Variants in CREB5 observed in about 807,000 individuals in gnomAD.
CREB5 encodes cyclic AMP-responsive element-binding protein 5.
Under a neutral mutation model 57.1 loss-of-function variants are expected in CREB5, and 19 were observed. The ratio of observed to expected loss-of-function variants is 0.33; its 90% CI spans 0.23 to 0.49. CREB5 has a LOEUF of 0.49. Among genes scored for constraint, CREB5 ranks in the 20% least tolerant of loss-of-function variants. The probability of loss-of-function intolerance (pLI) is 0.99; values close to 1 mark genes in which losing one functional copy is unlikely to be tolerated. For synonymous variants in CREB5, 238 were observed against 238.3 expected, an observed-to-expected ratio of 1.00 and a Z score of 0.01; for missense variants, 579 against 671.6, an observed-to-expected ratio of 0.86 and a Z score of 1.52.
chr7:28,413,644 G>A (rs190411509), intron 1 of CREB5, among the ~76,000 whole-genome samples: 4 of 152,176 alleles, frequency 2.6e-5, no homozygotes, highest in Admixed American at 1.3e-4. Flanking sequence ...GCGGTCAGTC[G>A]TGACCTTATA....
At chr7:28,649,079 C>T (rs1799024794) in intron 5 of CREB5, among the ~76,000 whole-genome samples, 1 of 152,154 alleles carries the variant, frequency 6.6e-6, no homozygotes, top group South Asian at 2.1e-4. Flanking sequence ...CCCTGGAAGA[C>T]ATAAATAAAT....
intron 4 of CREB5, among the ~76,000 whole-genome samples, chr7:28,526,382 G>A (rs892762664): frequency 2.6e-5 from 4 of 152,126 alleles, no homozygotes; most frequent in African/African-American, 9.7e-5. Context: ...CAATATAATA[G>A]AAGTCCCCGT....
intron 4 of CREB5, among the ~76,000 whole-genome samples, chr7:28,513,259 A>C (rs745789735): frequency 6.6e-6 from 1 of 152,250 alleles, no homozygotes; most frequent in Non-Finnish European, 1.5e-5. Flanking sequence ...GCAAACTTGC[A>C]ACAGCTGCAC....
At chr7:28,467,408 G>A (rs540767503) in intron 1 of CREB5, among the ~76,000 whole-genome samples, 2 of 152,188 alleles carry the variant, frequency 1.3e-5, no homozygotes, top group African/African-American at 2.4e-5. Context: ...TTTTTCTATC[G>A]TTTTGCATGC....
At chr7:28,570,602 T>A in intron 5 of CREB5, 65 bp downstream of exon 5, 3 of 1,551,524 alleles carry the variant, frequency 1.9e-6, no homozygotes, top group Non-Finnish European at 2.6e-6. Flanking sequence ...CTGGACTTCC[T>A]CCTGGTTTCT....
intron 1 of CREB5, among the ~76,000 whole-genome samples, chr7:28,319,849 T>C (rs992916875): frequency 3.3e-5 from 5 of 152,254 alleles, no homozygotes; most frequent in African/African-American, 1.2e-4. Flanking sequence ...CTTTTTCATA[T>C]TTATTCTCAT....
intron 4 of CREB5, among the ~76,000 whole-genome samples, chr7:28,563,234 G>A (rs1795347408): frequency 6.6e-6 from 1 of 152,170 alleles, no homozygotes. Flanking sequence ...TGAGCCTCAT[G>A]TTCTGGACTT....
chr7:28,774,638 T>A (rs1022300490), intron 7 of CREB5, among the ~76,000 whole-genome samples: 1 of 152,182 alleles, frequency 6.6e-6, no homozygotes, highest in African/African-American at 2.4e-5. Flanking sequence ...TTGATTTAGG[T>A]CTCTGCATGG....
At chr7:28,514,109 G>A (rs1792830176) in intron 4 of CREB5, among the ~76,000 whole-genome samples, 2 of 152,200 alleles carry the variant, frequency 1.3e-5, no homozygotes, top group South Asian at 4.1e-4. Context: ...TGGCGAGTTT[G>A]CATATTCGGG....
At chr7:28,486,695 T>TATATATATATA (rs1282046289) in intron 1 of CREB5, among the ~76,000 whole-genome samples, 34 of 132,418 alleles carry the variant, frequency 2.6e-4, no homozygotes, top group East Asian at 6.5e-4. Flanking sequence ...TATATATATG[T>TATATATATATA]TACTGTGTGG....
chr7:28,507,984 A>G lies in CREB5; in HGVS notation c.291+247A>G, dbSNP rs74607641. On this transcript the variant is annotated intron_variant, in intron 4 of 10. Coordinates refer to ENST00000357727, the MANE Select transcript of CREB5 (RefSeq NM_182898.4). ...CTCAATCAGCTGTTTTACTTTGCTA[A>G]GTATTTAATAGCAAACCTTTTGTGA... Among the ~76,000 whole-genome samples, 485 of 152,320 alleles carry G rather than the reference A, an allele frequency of 3.2e-3. 4 individuals are homozygous for G. The highest frequency in any genetic ancestry group is 0.011 in the African/African-American group (455 of 41,562).
intron 1 of CREB5, among the ~76,000 whole-genome samples, chr7:28,443,953 T>C (rs1200469737): frequency 2.0e-5 from 3 of 152,058 alleles, no homozygotes; most frequent in Non-Finnish European, 4.4e-5. Context: ...TGTTTTGAGG[T>C]GGAATTTAGT....
upstream of CREB5, among the ~76,000 whole-genome samples, chr7:28,411,261 T>A (rs1483757261): frequency 6.6e-6 from 1 of 152,216 alleles, no homozygotes; most frequent in Non-Finnish European, 1.5e-5. Context: ...CTTTACGTAG[T>A]GCCTGCCCTT....
chr7:28,317,703 C>T (rs1478038506), intron 1 of CREB5, among the ~76,000 whole-genome samples: 1 of 152,196 alleles, frequency 6.6e-6, no homozygotes, highest in Non-Finnish European at 1.5e-5. Context: ...ATGTAATTAG[C>T]ACAGTGCACT....
Position 28,632,638 on chromosome 7 carries a change from C to T in CREB5, c.464+62101C>T, listed in dbSNP as rs139603885. ...CTATTGTCCTGGGATCCCGGGAGGA[C>T]AGAGAACGCTGCTACTTAACTTATG... On this transcript the variant is annotated intron_variant, in intron 5 of 10. Coordinates refer to ENST00000357727, the MANE Select transcript of CREB5 (RefSeq NM_182898.4). Among the ~76,000 whole-genome samples, 1,060 of 152,244 alleles carry T rather than the reference C, an allele frequency of 7.0e-3. 36 individuals are homozygous for T. The highest frequency in any genetic ancestry group is 0.061 in the Admixed American group (940 of 15,292).
chr7:28,620,865 CG>C, intron 5 of CREB5, among the ~76,000 whole-genome samples: 2 of 152,150 alleles, frequency 1.3e-5, no homozygotes, highest in South Asian at 4.2e-4. Context: ...GTGATCCAGT[CG>C]GTATTAAAGA....
intron 1 of CREB5, among the ~76,000 whole-genome samples, chr7:28,361,477 C>G (rs79766661): frequency 6.6e-6 from 1 of 152,238 alleles, no homozygotes; most frequent in Non-Finnish European, 1.5e-5. Context: ...CTTTTCCCTG[C>G]CCCAGCCCAG....
At chr7:28,425,311 A>G (rs1788459345) in intron 1 of CREB5, among the ~76,000 whole-genome samples, 1 of 152,150 alleles carries the variant, frequency 6.6e-6, no homozygotes, top group African/African-American at 2.4e-5. Flanking sequence ...TGAACCTTGA[A>G]AACATGCTCA....
intron 1 of CREB5, among the ~76,000 whole-genome samples, chr7:28,437,064 C>T (rs1308758530): frequency 6.6e-6 from 1 of 152,142 alleles, no homozygotes; most frequent in East Asian, 1.9e-4. Flanking sequence ...GACTGCATCC[C>T]TTAGAGAACT....
Sources: allele counts gnomAD v4.1 joint callset (sites outside exome capture counted in the v4.1 genomes callset), GRCh38; gene constraint gnomAD v4.1.1; transcripts MANE v1.5; gene names NCBI Gene and HGNC (gene_info 2026-07-23, HGNC 2026-07-21).